The following UGCG variants were observed in gnomAD, a reference collection of about 807,000 sequenced individuals.
UGCG encodes UDP-glucose ceramide glucosyltransferase.
UGCG carries 10 observed loss-of-function variants against 49.5 expected under a neutral mutation model. The ratio of observed to expected loss-of-function variants is 0.20; its 90% CI spans 0.12 to 0.34. The LOEUF is 0.34. Ranked by LOEUF, UGCG falls within the 10% of genes least tolerant of loss-of-function variation. UGCG has a pLI of 1.00. For synonymous variants in UGCG, 182 were observed against 158.2 expected (o/e 1.15, Z -1.13); for missense variants, 312 against 483.7 (o/e 0.65, Z 3.33).
chr9:111,923,216 A>G (rs527386454), intron 3 of UGCG, among the ~76,000 whole-genome samples: 2 of 151,984 alleles, frequency 1.3e-5, no homozygotes, highest in African/African-American at 2.4e-5. Context: ...TTTCTTCAAT[A>G]TTTTAAATGT....
chr9:111,914,053 G>T (rs1286277880), intron 1 of UGCG, among the ~76,000 whole-genome samples: 1 of 152,048 alleles, frequency 6.6e-6, no homozygotes, highest in East Asian at 1.9e-4. Flanking sequence ...TTCTCAGAAA[G>T]TTCTGGTTAT....
chr9:111,907,105 G>T (rs930753236), intron 1 of UGCG, among the ~76,000 whole-genome samples: 3 of 152,222 alleles, frequency 2.0e-5, no homozygotes, highest in Non-Finnish European at 4.4e-5. Context: ...GCTCCCAGGT[G>T]TTGCCAATGC....
chr9:111,924,171 A>G (rs757851756), intron 3 of UGCG, among the ~76,000 whole-genome samples: 5 of 152,228 alleles, frequency 3.3e-5, no homozygotes, highest in African/African-American at 9.6e-5. Context: ...TATAGCTTCA[A>G]AATAACGCCT....
intron 5 of UGCG, among the ~76,000 whole-genome samples, chr9:111,927,515 G>A (rs545827856): frequency 0.018 from 2,770 of 151,664 alleles, 34 homozygotes; most frequent in Non-Finnish European, 0.029. Flanking sequence ...GCAGTGGCGC[G>A]ATCTCGGCTC....
At chr9:111,900,088 G>A (rs1384659916) in intron 1 of UGCG, among the ~76,000 whole-genome samples, 1 of 150,808 alleles carries the variant, frequency 6.6e-6, no homozygotes, top group Non-Finnish European at 1.5e-5. Flanking sequence ...AAAGAGTATA[G>A]CCTTGGCAAG....
At chr9:111,929,931 G>T (rs1254121096) in intron 6 of UGCG, among the ~76,000 whole-genome samples, 7 of 152,072 alleles carry the variant, frequency 4.6e-5, no homozygotes, top group African/African-American at 1.7e-4. Flanking sequence ...TGATTCTCAT[G>T]CCTCAGCCAC....
At chr9:111,927,804 T>C (rs1174287425) in intron 5 of UGCG, among the ~76,000 whole-genome samples, 1 of 152,224 alleles carries the variant, frequency 6.6e-6, no homozygotes, top group Non-Finnish European at 1.5e-5. Flanking sequence ...CTTTGGAGTC[T>C]TTATTTCCCC....
intron 2 of UGCG, among the ~76,000 whole-genome samples, chr9:111,917,432 C>T (rs535079459): frequency 6.6e-6 from 1 of 152,252 alleles, no homozygotes; most frequent in Admixed American, 6.5e-5. Flanking sequence ...GTCAAGGAGA[C>T]CCAAAATAAA....
Position 111,933,164 on chromosome 9 carries a change from A to C in UGCG, c.*167A>C, listed in dbSNP as rs1456601732. On this transcript the variant is annotated 3_prime_UTR_variant, in exon 9 of 9. Transcript: ENST00000374279. The stretch of plus-strand genomic sequence containing the variant: ...ACTTGCATCTGTGAAAAAAAAAAAA[A>C]ACACATCTGTAGTCTTGGCCAAATG... 3 of 590,708 alleles carry C rather than the reference A, an allele frequency of 5.1e-6. No homozygotes were observed. Among genetic ancestry groups the C allele is most frequent in the East Asian group, 3.7e-5 (1 of 27,128 alleles). The allele number at this position is 590,708 out of a possible 1,614,324, so 36.6% of individuals were successfully genotyped here.
chr9:111,923,254 T>C (rs1297940876), intron 3 of UGCG, among the ~76,000 whole-genome samples: 2 of 152,160 alleles, frequency 1.3e-5, no homozygotes, highest in Non-Finnish European at 2.9e-5. Context: ...TTACTGACTA[T>C]AATTGGAGTG....
rs1838490194 is a variant in UGCG, at chr9:111,934,827, T to C, written c.*1830T>C. Reference sequence around the variant, plus strand: ...CTTTCTTTCTGTGAATGGGTATTATTCCCTGAGGAAAGTTGCACAGTGAAA... The same window carrying C: ...CTTTCTTTCTGTGAATGGGTATTATCCCCTGAGGAAAGTTGCACAGTGAAA... On this transcript the variant is annotated 3_prime_UTR_variant, in exon 9 of 9. Coordinates refer to ENST00000374279, the MANE Select transcript of UGCG (RefSeq NM_003358.3). The C allele has an allele frequency of 1.3e-5, 2 of 152,250 alleles. No individual in the cohort carries two copies. Among genetic ancestry groups the C allele is most frequent in the Admixed American group, 1.3e-4 (2 of 15,300 alleles). 9.4% of individuals were successfully genotyped at this position (152,250 alleles called of 1,614,324 possible). A position where few individuals can be genotyped will look rare whatever the true frequency, so the allele number is the denominator to read the frequency against.
In UGCG at chr9:111,917,095, A is replaced by G. The variant is rs12002419; in HGVS notation, c.240+2349A>G. 5.3e-3 allele frequency among the ~76,000 whole-genome samples: 809 copies of G among 152,278 alleles called. 8 individuals are homozygous for G. Among genetic ancestry groups the G allele is most frequent in the African/African-American group, 0.019 (777 of 41,558 alleles). ...GTAGTAGCTCTTTTTCCATTTAGTT[A>G]TATCATTTAAGTGGGTTGAGGAGAA... On this transcript the variant is annotated intron_variant, in intron 2 of 8. Transcript: ENST00000374279.
rs1838458632 is a variant in UGCG, at chr9:111,933,207, G to A, written c.*210G>A. 1 of 352,290 alleles carries A rather than the reference G, an allele frequency of 2.8e-6. No individual in the cohort carries two copies. The allele number at this position is 352,290 out of a possible 1,614,324, so 21.8% of individuals were successfully genotyped here. ...GCCAAATGATACACTTTATTTTGTG[G>A]AAGTAGAGAATCAAGAGAATTGGTT... On this transcript the variant is annotated 3_prime_UTR_variant, in exon 9 of 9. Coordinates refer to ENST00000374279, the MANE Select transcript of UGCG (RefSeq NM_003358.3).
At chr9:111,932,011 C>A in intron 7 of UGCG, 159 bp from the exon 8 acceptor site, 2 of 732,116 alleles carry the variant, frequency 2.7e-6, no homozygotes, top group Non-Finnish European at 4.3e-6. Context: ...CAGAGCAGAA[C>A]CCCGTCTCAA....
rs1428177836 is a variant in UGCG, at chr9:111,935,337, G to A, written c.*2340G>A. ...TTTAAAATCATTGTCTTAAATTTTT[G>A]TTCAAAAAATAAAAATTTGAATACA... On this transcript the variant is annotated 3_prime_UTR_variant, in exon 9 of 9. Coordinates refer to ENST00000374279, the MANE Select transcript of UGCG (RefSeq NM_003358.3). 6.6e-6 allele frequency: 1 copy of A among 151,830 alleles called. No homozygotes were observed. The highest frequency in any genetic ancestry group is 1.9e-4 in the East Asian group (1 of 5,186). 9.4% of individuals were successfully genotyped at this position (151,830 alleles called of 1,614,324 possible). A position where few individuals can be genotyped will look rare whatever the true frequency, so the allele number is the denominator to read the frequency against.
chr9:111,903,131 G>A (rs1837810408), intron 1 of UGCG, among the ~76,000 whole-genome samples: 1 of 152,134 alleles, frequency 6.6e-6, no homozygotes, highest in Non-Finnish European at 1.5e-5. Flanking sequence ...TTGCTGCAGA[G>A]GCTGCTTCCC....
In UGCG at chr9:111,933,856, G is replaced by A. The variant is rs186984853; in HGVS notation, c.*859G>A. On this transcript the variant is annotated 3_prime_UTR_variant, in exon 9 of 9. Coordinates refer to ENST00000374279, the MANE Select transcript of UGCG (RefSeq NM_003358.3). Reference sequence around the variant, plus strand: ...CCGTCTTCCCTTAACATTTTTTCAGGGGGGGTTGGGAGTGGTTTCATTTTA... The same window carrying A: ...CCGTCTTCCCTTAACATTTTTTCAGAGGGGGTTGGGAGTGGTTTCATTTTA... The A allele has an allele frequency of 4.7e-4, 72 of 152,174 alleles. No homozygotes were observed. Among genetic ancestry groups the A allele is most frequent in the African/African-American group, 1.5e-3 (63 of 41,500 alleles). The allele number at this position is 152,174 out of a possible 1,614,324, so 9.4% of individuals were successfully genotyped here.
intron 5 of UGCG, among the ~76,000 whole-genome samples, chr9:111,928,728 A>G (rs1838369147): frequency 1.3e-5 from 2 of 152,180 alleles, no homozygotes; most frequent in Admixed American, 6.5e-5. Flanking sequence ...CCTAAGAAAG[A>G]TGACTACTCT....
At chr9:111,929,062 C>A (rs1838374538) in intron 5 of UGCG, among the ~76,000 whole-genome samples, 2 of 131,686 alleles carry the variant, frequency 1.5e-5, no homozygotes, top group South Asian at 3.0e-4. Context: ...CCCCACCCCC[C>A]AAAAAAATAG....
Sources: allele counts gnomAD v4.1 joint callset (sites outside exome capture counted in the v4.1 genomes callset), GRCh38; gene constraint gnomAD v4.1.1; transcripts MANE v1.5; gene names NCBI Gene and HGNC (gene_info 2026-07-23, HGNC 2026-07-21).